The following AFF3 variants were observed in gnomAD, a reference collection of about 807,000 sequenced individuals.
AFF3 encodes ALF transcription elongation factor 3.
A neutral mutation model predicts 129.7 loss-of-function variants in AFF3; 32 were observed. That is an observed-to-expected ratio of 0.25 (90% CI 0.19 to 0.33). The LOEUF is 0.33. Among genes scored for constraint, AFF3 ranks in the 10% least tolerant of loss-of-function variants. The pLI, the probability that AFF3 is intolerant of heterozygous loss-of-function variation, is 1.00. For synonymous variants in AFF3, 644 were observed against 635.4 expected, an observed-to-expected ratio of 1.01 and a Z score of -0.20; for missense variants, 1,373 against 1,592.0, an observed-to-expected ratio of 0.86 and a Z score of 2.34.
At chr2:100,062,477 G>C (rs1687369962) in intron 4 of AFF3, among the ~76,000 whole-genome samples, 1 of 152,156 alleles carries the variant, frequency 6.6e-6, no homozygotes, top group Non-Finnish European at 1.5e-5. Context: ...AAATCCCTGG[G>C]CAGTGAGCCT....
chr2:99,663,715 A>G (rs183191038), intron 12 of AFF3, among the ~76,000 whole-genome samples: 4 of 152,344 alleles, frequency 2.6e-5, no homozygotes, highest in African/African-American at 9.6e-5. Context: ...AGTTAAAATA[A>G]AAAGACTGCC....
At chr2:100,094,530 T>A (rs1193783389) in intron 4 of AFF3, among the ~76,000 whole-genome samples, 1 of 152,036 alleles carries the variant, frequency 6.6e-6, no homozygotes, top group East Asian at 1.9e-4. Context: ...TAAATACAGA[T>A]GAAGCTTCTC....
intron 7 of AFF3, among the ~76,000 whole-genome samples, chr2:99,950,573 T>G (rs899180437): frequency 2.6e-5 from 4 of 152,128 alleles, no homozygotes; most frequent in Non-Finnish European, 5.9e-5. Flanking sequence ...TGAATGAAAA[T>G]TTAGAGGGAT....
At chr2:99,703,299 G>A (rs1244709072) in intron 11 of AFF3, among the ~76,000 whole-genome samples, 1 of 152,178 alleles carries the variant, frequency 6.6e-6, no homozygotes, top group Non-Finnish European at 1.5e-5. Flanking sequence ...GCTCTGCAAA[G>A]TTCCTTCTGC....
intron 7 of AFF3, among the ~76,000 whole-genome samples, chr2:99,983,286 C>T (rs145109821): frequency 0.013 from 1,982 of 152,250 alleles, 53 homozygotes; most frequent in African/African-American, 0.045. Context: ...TTCATCTAGC[C>T]CATTTGCTCC....
intron 4 of AFF3, among the ~76,000 whole-genome samples, chr2:100,090,657 A>G (rs1009296763): frequency 3.3e-5 from 5 of 151,850 alleles, no homozygotes; most frequent in Non-Finnish European, 7.4e-5. Flanking sequence ...GAGACCATTT[A>G]CATACATACA....
chr2:99,940,459 G>C (rs1674928068), intron 7 of AFF3, among the ~76,000 whole-genome samples: 1 of 152,178 alleles, frequency 6.6e-6, no homozygotes, highest in Non-Finnish European at 1.5e-5. Context: ...AGACCTTGCT[G>C]CTAAAACAGG....
intron 7 of AFF3, among the ~76,000 whole-genome samples, chr2:99,874,674 A>C (rs1692150068): frequency 6.6e-6 from 1 of 152,190 alleles, no homozygotes; most frequent in South Asian, 2.1e-4. Flanking sequence ...ACAGGGCAGA[A>C]GGTTGGGGCA....
chr2:100,004,288 T>C (rs1411732512), intron 7 of AFF3, among the ~76,000 whole-genome samples: 2 of 152,236 alleles, frequency 1.3e-5, no homozygotes, highest in African/African-American at 4.8e-5. Context: ...GACATTTTCA[T>C]ACCAGCAGTA....
intron 4 of AFF3, among the ~76,000 whole-genome samples, chr2:100,103,405 G>A: frequency 6.6e-6 from 1 of 150,916 alleles, no homozygotes; most frequent in Non-Finnish European, 1.5e-5. Flanking sequence ...TGTTCCAGCA[G>A]ATGTTCATCC....
At position 99,550,974 on chromosome 2, in the gene AFF3, T is replaced by C. The variant is rs1349998395; in HGVS notation, c.*500A>G. 1 of 360,382 alleles carries C rather than the reference T, an allele frequency of 2.8e-6. No homozygotes were observed. Among genetic ancestry groups the C allele is most frequent in the Non-Finnish European group, 5.0e-6 (1 of 201,906 alleles). 22.3% of individuals were successfully genotyped at this position (360,382 alleles called of 1,614,324 possible). On this transcript the variant is annotated 3_prime_UTR_variant, in exon 25 of 25. Transcript: ENST00000672756. ...AAATAATTGGGGAATAGTATATTAA[T>C]ACTGAAAGTAATCAACAGTATAAGA...
intron 13 of AFF3, among the ~76,000 whole-genome samples, chr2:99,625,264 C>T (rs1180478797): frequency 4.6e-5 from 7 of 152,024 alleles, no homozygotes; most frequent in African/African-American, 1.7e-4. Context: ...CGTAGGGTTG[C>T]CAGGCAAAAT....
At chr2:99,892,114 A>T (rs901677635) in intron 7 of AFF3, among the ~76,000 whole-genome samples, 1 of 151,920 alleles carries the variant, frequency 6.6e-6, no homozygotes, top group Non-Finnish European at 1.5e-5. Flanking sequence ...GAGCCACCAC[A>T]CCCGGCCAAA....
At chr2:99,922,252 T>A (rs1158974373) in intron 7 of AFF3, among the ~76,000 whole-genome samples, 1 of 152,220 alleles carries the variant, frequency 6.6e-6, no homozygotes, top group Non-Finnish European at 1.5e-5. Flanking sequence ...AAACCATGTA[T>A]CTACAGAAAT....
intron 11 of AFF3, among the ~76,000 whole-genome samples, chr2:99,705,884 A>AAC (rs1677320208): frequency 1.3e-5 from 2 of 151,208 alleles, no homozygotes; most frequent in Non-Finnish European, 1.5e-5. Flanking sequence ...CAAAAAAAAA[A>AAC]AAAAAAAAAA....
At chr2:100,118,564 T>C (rs1372848690) in intron 2 of AFF3, among the ~76,000 whole-genome samples, 2 of 152,208 alleles carry the variant, frequency 1.3e-5, no homozygotes, top group Non-Finnish European at 2.9e-5. Flanking sequence ...ATATGAGCCA[T>C]TTAAATGTAA....
At chr2:99,893,438 G>C (rs1576294160) in intron 7 of AFF3, among the ~76,000 whole-genome samples, 2 of 152,178 alleles carry the variant, frequency 1.3e-5, no homozygotes, top group African/African-American at 4.8e-5. Context: ...ATGGGATTTG[G>C]AGATGGGGCC....
In AFF3 at chr2:99,715,819, A is replaced by G. The variant is rs377197567; in HGVS notation, c.1091+11258T>C. Among the ~76,000 whole-genome samples the G allele has an allele frequency of 2.0e-4, 30 of 151,944 alleles. No individual in the cohort carries two copies. The East Asian group carries it at 4.7e-3, about 24-fold the overall frequency. ...CCCGAGTAGCTGGGACTACAGGTAC[A>G]TGCCACCATGCCCGGCTAATTTTTT... On this transcript the variant is annotated intron_variant, in intron 11 of 24. Transcript: ENST00000672756.
At position 99,929,494 on chromosome 2, in the gene AFF3, CATTTT is replaced by C. The variant is rs1183122840; in HGVS notation, c.873+77133_873+77137del. ...TTCATCAGTAACTGCTTATCTTCTT[CATTTT>C]AATTTTATGTTGATGTGCTTATTTA... On this transcript the variant is annotated intron_variant, in intron 7 of 24. Coordinates refer to ENST00000672756, the MANE Select transcript of AFF3 (RefSeq NM_001386135.1). Among the ~76,000 whole-genome samples, 5 of 152,170 alleles carry C rather than the reference CATTTT, an allele frequency of 3.3e-5. No homozygotes were observed. In the East Asian group the frequency reaches 9.6e-4, roughly 29 times the overall value.
Sources: gnomAD v4.1 joint callset for allele counts (sites outside exome capture counted in the v4.1 genomes callset) on GRCh38, gnomAD v4.1.1 for gene constraint, MANE v1.5 for transcripts, NCBI Gene and HGNC (gene_info 2026-07-23, HGNC 2026-07-21) for gene names.